The following EFCAB6 variants were observed in gnomAD, a reference collection of about 807,000 sequenced individuals.
EFCAB6 encodes EF-hand calcium binding domain 6, also known as EF-hand calcium-binding domain-containing protein 6.
A neutral mutation model predicts 169.8 loss-of-function variants in EFCAB6; 156 were observed. The observed-to-expected ratio is 0.92, with a 90% CI of 0.81 to 1.05. The LOEUF is 1.05. EFCAB6 is among the 50% of genes least tolerant of loss of function. EFCAB6 has a pLI of 0.00. For missense variants in EFCAB6, 1,800 were observed against 1,829.1 expected, an observed-to-expected ratio of 0.98 and a Z score of 0.29; for synonymous variants, 698 against 676.4, an observed-to-expected ratio of 1.03 and a Z score of -0.50.
intron 26 of EFCAB6, among the ~76,000 whole-genome samples, chr22:43,564,664 C>T (rs1233800421): frequency 1.3e-5 from 2 of 152,038 alleles, no homozygotes; most frequent in Non-Finnish European, 2.9e-5. Context: ...GGGCAGGCTC[C>T]CTAAGGGTCA....
At chr22:43,636,251 A>G (rs371734065) in intron 17 of EFCAB6, among the ~76,000 whole-genome samples, 2 of 145,448 alleles carry the variant, frequency 1.4e-5, no homozygotes, top group African/African-American at 5.7e-5. Context: ...AAGTCAACAG[A>G]TGTCACCAGA....
intron 2 of EFCAB6, among the ~76,000 whole-genome samples, chr22:43,789,331 G>A (rs2062188201): frequency 1.3e-5 from 2 of 152,206 alleles, no homozygotes; most frequent in South Asian, 2.1e-4. Context: ...GGAGGAGGAA[G>A]GGGAAGACAG....
intron 2 of EFCAB6, among the ~76,000 whole-genome samples, chr22:43,804,630 G>T (rs1285504039): frequency 6.6e-6 from 1 of 152,026 alleles, no homozygotes; most frequent in African/African-American, 2.4e-5. Flanking sequence ...TGGGAATGGT[G>T]GTGGCACGCA....
intron 17 of EFCAB6, among the ~76,000 whole-genome samples, chr22:43,643,674 G>A (rs966066203): frequency 6.6e-6 from 1 of 152,312 alleles, no homozygotes; most frequent in African/African-American, 2.4e-5. Context: ...GCCTGGCACC[G>A]TCCACAGAGG....
chr22:43,582,762 G>C (rs927630547), intron 24 of EFCAB6, among the ~76,000 whole-genome samples: 3 of 152,128 alleles, frequency 2.0e-5, no homozygotes, highest in Non-Finnish European at 1.5e-5. Flanking sequence ...AAACTCAAGA[G>C]AGGAGAAAGT....
intron 10 of EFCAB6, among the ~76,000 whole-genome samples, chr22:43,691,689 G>A (rs1323807000): frequency 5.9e-5 from 9 of 152,072 alleles, no homozygotes; most frequent in Admixed American, 5.9e-4. Flanking sequence ...GCAATAAATT[G>A]TTAAAATTCT....
Position 43,735,953 on chromosome 22 carries a change from A to G in EFCAB6, c.548T>C (p.Leu183Pro). ...NIKTVMKAFE[L>P]IDVNKTGLVR... is the part of the protein sequence containing the mutation. The stretch of plus-strand genomic sequence containing the variant: ...CAGTCCAGTCTTGTTAACATCAATG[A>G]GCTCAAAGGCTTTCATAACAGTCTT... Residue 183 changes from leucine to proline, a missense_variant, in exon 7 of 32, where the codon CTC (leucine) becomes CCC (proline). Leu to Pro is a moderately conservative substitution (Grantham distance 98). Coordinates refer to ENST00000262726, the MANE Select transcript of EFCAB6 (RefSeq NM_022785.4). 1.2e-6 allele frequency: 2 copies of G among 1,614,062 alleles called. No individual in the cohort carries two copies. The highest frequency in any genetic ancestry group is 1.7e-6 in the Non-Finnish European group (2 of 1,180,000).
intron 2 of EFCAB6, among the ~76,000 whole-genome samples, chr22:43,804,740 G>A (rs1603392760): frequency 6.9e-6 from 1 of 144,506 alleles, no homozygotes; most frequent in East Asian, 2.0e-4. Context: ...CTTCAGCCTG[G>A]GCAACAGAGC....
At chr22:43,578,577 C>T (rs112010718) in intron 25 of EFCAB6, among the ~76,000 whole-genome samples, 1 of 152,066 alleles carries the variant, frequency 6.6e-6, no homozygotes, top group Non-Finnish European at 1.5e-5. Flanking sequence ...GTTCCAAGCA[C>T]AATATCCAAG....
chr22:43,597,803 A>G (rs2052135141), intron 23 of EFCAB6, among the ~76,000 whole-genome samples: 1 of 152,212 alleles, frequency 6.6e-6, no homozygotes, highest in Non-Finnish European at 1.5e-5. Flanking sequence ...CACTGCTCAC[A>G]ATAGCCAAGA....
chr22:43,749,761 T>C (rs1478211093), intron 6 of EFCAB6, among the ~76,000 whole-genome samples: 1 of 152,194 alleles, frequency 6.6e-6, no homozygotes, highest in Non-Finnish European at 1.5e-5. Flanking sequence ...TGCCATCCTT[T>C]AACTTCCCAC....
chr22:43,618,218 G>GAAAGAA (rs2053871635), intron 20 of EFCAB6, among the ~76,000 whole-genome samples: 1 of 135,648 alleles, frequency 7.4e-6, no homozygotes, highest in South Asian at 2.6e-4. Flanking sequence ...AAGAAAGAAA[G>GAAAGAA]AAAGAGAAAG....
At chr22:43,693,158 T>G (rs1288569634) in intron 10 of EFCAB6, among the ~76,000 whole-genome samples, 7 of 152,042 alleles carry the variant, frequency 4.6e-5, no homozygotes, top group African/African-American at 1.5e-4. Flanking sequence ...ATAGATTTCT[T>G]TATAAAACAA....
rs779836014 is a variant in EFCAB6 at position 43,572,074 on chromosome 22, C to T, written c.3420+4223G>A. On this transcript the variant is annotated intron_variant, in intron 26 of 31. Coordinates refer to ENST00000262726, the MANE Select transcript of EFCAB6 (RefSeq NM_022785.4). This position sits in a 1 kb window ranked among gnomAD's most constrained non-coding sequence, Gnocchi z 4.0. Reference sequence around the variant, plus strand: ...GCAGGAGGTGGCCGGTGCAGGGATGCGTGCTGCAGGGACAGTGCCACCTCT... The same window carrying T: ...GCAGGAGGTGGCCGGTGCAGGGATGTGTGCTGCAGGGACAGTGCCACCTCT... Among the ~76,000 whole-genome samples the T allele has an allele frequency of 1.3e-5, 2 of 152,148 alleles. No homozygotes were observed. The highest frequency in any genetic ancestry group is 2.9e-5 in the Non-Finnish European group (2 of 68,016).
At chr22:43,594,304 G>T (rs117098043) in intron 23 of EFCAB6, among the ~76,000 whole-genome samples, 1,997 of 127,762 alleles carry the variant, frequency 0.016, 103 homozygotes, top group East Asian at 0.15. Flanking sequence ...AAAAAGAAAA[G>T]ACATGAGTAA....
chr22:43,621,405 A>C (rs914265434), intron 20 of EFCAB6, among the ~76,000 whole-genome samples: 2 of 152,104 alleles, frequency 1.3e-5, no homozygotes, highest in Non-Finnish European at 2.9e-5. Flanking sequence ...CCTGGCCTGA[A>C]CATGATGCAA....
intron 26 of EFCAB6, among the ~76,000 whole-genome samples, chr22:43,566,096 C>T (rs1455411506): frequency 1.3e-5 from 2 of 152,172 alleles, no homozygotes; most frequent in Non-Finnish European, 1.5e-5. Flanking sequence ...ACAGACCTCG[C>T]TGCCGGATCA....
At chr22:43,687,664 T>C (rs1034729681) in intron 10 of EFCAB6, 83 bp from the exon 11 acceptor site, 5 of 723,526 alleles carry the variant, frequency 6.9e-6, no homozygotes, top group East Asian at 5.7e-5. Flanking sequence ...TAATGTTGAA[T>C]TGAAAATGGC....
chr22:43,740,441 T>C (rs1360787423), intron 6 of EFCAB6, among the ~76,000 whole-genome samples: 1 of 152,168 alleles, frequency 6.6e-6, no homozygotes, highest in African/African-American at 2.4e-5. Flanking sequence ...TCGTGTTATG[T>C]CTGCAAATAC....
Sources: gnomAD v4.1 joint callset for allele counts (sites outside exome capture counted in the v4.1 genomes callset) on GRCh38, gnomAD v4.1.1 for gene constraint, Gnocchi (gnomAD v3.1) non-coding constraint, MANE v1.5 for transcripts, NCBI Gene and HGNC (gene_info 2026-07-23, HGNC 2026-07-21) for gene names.